The following TTC14 variants were observed in gnomAD, a reference collection of about 807,000 sequenced individuals.
TTC14 encodes the protein tetratricopeptide repeat domain 14.
Under a neutral mutation model 79.9 loss-of-function variants are expected in TTC14, and 63 were observed. The ratio of observed to expected loss-of-function variants is 0.79; its 90% confidence interval spans 0.64 to 0.97. The LOEUF (loss-of-function observed/expected upper bound fraction) is 0.97. Ranked by LOEUF, TTC14 falls within the 50% of genes least tolerant of loss-of-function variation. The probability of loss-of-function intolerance (pLI) is 0.00; values close to 1 mark genes in which losing one functional copy is unlikely to be tolerated. For missense variants in TTC14, 895 were observed against 894.0 expected (o/e 1.00, Z -0.01); for synonymous variants, 335 against 309.6 (o/e 1.08, Z -0.86).
At chr3:180,611,735 G>GTAAAT (rs1717002722), downstream of TTC14, among the ~76,000 whole-genome samples, 1 of 152,154 alleles carries the variant, frequency 6.6e-6, no homozygotes. Flanking sequence ...TCTCAAAGCT[G>GTAAAT]TAAATTACAA....
At chr3:180,613,968 C>T (rs1229213616), downstream of TTC14, 1 of 389,982 alleles carries the variant, frequency 2.6e-6, no homozygotes. Flanking sequence ...TTGTAATGAG[C>T]ATTTTTTCCC....
intron 3 of TTC14, 93 bp from the exon 4 acceptor site, chr3:180,604,132 T>C (rs1161682550): frequency 9.5e-7 from 1 of 1,053,986 alleles, no homozygotes; most frequent in Non-Finnish European, 1.5e-6. Context: ...GTTCAACTAC[T>C]AGCTGTTTCA....
Position 180,606,117 on chromosome 3 carries a change from A to G in TTC14, c.930-136A>G, listed in dbSNP as rs1716667976. 10 of 1,182,420 alleles carry G rather than the reference A, an allele frequency of 8.5e-6. 2 individuals are homozygous for G. The South Asian group carries it at 1.4e-4, about 17-fold the overall frequency. The allele number at this position is 1,182,420 out of a possible 1,614,324, so 73.2% of individuals were successfully genotyped here. A position where few individuals can be genotyped will look rare whatever the true frequency, so the allele number is the denominator to read the frequency against. On this transcript the variant is annotated intron_variant, in intron 7 of 11. Transcript: ENST00000296015. ...GTCCAAAGGCAGAAGAACGTTCCTT[A>G]GGTATATTGTGAGTACTCTGAAAAC...
chr3:180,611,510 T>G (rs1716996263), downstream of TTC14, among the ~76,000 whole-genome samples: 1 of 152,184 alleles, frequency 6.6e-6, no homozygotes, highest in Non-Finnish European at 1.5e-5. Context: ...GATGACCCCT[T>G]TCTCAGAGTC....
intron 9 of TTC14, 140 bp from the exon 10 acceptor site, chr3:180,607,508 T>G: frequency 7.9e-7 from 1 of 1,273,150 alleles, no homozygotes; most frequent in Non-Finnish European, 1.0e-6. Flanking sequence ...AAAAAGCATA[T>G]TATTTTGGTA....
At chr3:180,602,647 T>C in intron 1 of TTC14, 2 of 710,786 alleles carry the variant, frequency 2.8e-6, no homozygotes, top group Non-Finnish European at 4.5e-6. Context: ...GAGGCGCAGA[T>C]TCCTTAGCTA....
At chr3:180,611,251 T>G, downstream of TTC14, 3 of 781,896 alleles carry the variant, frequency 3.8e-6, no homozygotes, top group Non-Finnish European at 4.7e-6. Flanking sequence ...AAAAGCTTTT[T>G]AACTTTAAAT....
rs1716930160 is a variant in TTC14 at position 180,610,336 on chromosome 3, T to C, written c.2107T>C (p.Tyr703His). The change falls in exon 12 of 12, where the codon TAC becomes CAC. Residue 703 changes from tyrosine (Y) to histidine (H), a missense_variant. Physicochemically the swap from Tyr to His is moderately conservative, Grantham distance 83. Coordinates refer to ENST00000296015, the MANE Select transcript of TTC14 (RefSeq NM_133462.4). Reference protein sequence around the residue: ...SRDFSRHEQRYRLNTNQGEYE... With the variant: ...SRDFSRHEQRHRLNTNQGEYE... ...TGATTTCAGTAGACATGAGCAAAGATACCGTTTAAATACAAATCAAGGAGA... is the reference window on the plus strand; with the variant it reads ...TGATTTCAGTAGACATGAGCAAAGACACCGTTTAAATACAAATCAAGGAGA... 1.9e-6 allele frequency: 3 copies of C among 1,612,750 alleles called. No individual in the cohort carries two copies. The highest frequency in any genetic ancestry group is 2.7e-5 in the African/African-American group (2 of 74,710).
At chr3:180,607,191 G>T (rs1473646748) in intron 9 of TTC14, among the ~76,000 whole-genome samples, 1 of 152,026 alleles carries the variant, frequency 6.6e-6, no homozygotes, top group Non-Finnish European at 1.5e-5. Context: ...TCTCATTCTG[G>T]TGTTTCACAA....
chr3:180,603,482 A>G, intron 3 of TTC14, 159 bp downstream of exon 3: 1 of 664,858 alleles, frequency 1.5e-6, no homozygotes, highest in Non-Finnish European at 2.5e-6. Context: ...AATTAGTGTA[A>G]GTTACCCAGT....
chr3:180,609,611 A>G lies in TTC14; in HGVS notation c.1401-19A>G, dbSNP rs775481560. 1 of 1,527,746 alleles carries G rather than the reference A, an allele frequency of 6.5e-7. No homozygotes were observed. Among genetic ancestry groups the G allele is most frequent in the Admixed American group, 2.3e-5 (1 of 44,184 alleles). 94.6% of individuals were successfully genotyped at this position (1,527,746 alleles called of 1,614,324 possible). A position where few individuals can be genotyped will look rare whatever the true frequency, so the allele number is the denominator to read the frequency against. On this transcript the variant is annotated intron_variant, in intron 11 of 11. Coordinates refer to ENST00000296015, the MANE Select transcript of TTC14 (RefSeq NM_133462.4). ...GAAACATTTTTGTATATATATGACA[A>G]ATGAACTGTTTTTTTTAGGCTAAAG...
intron 1 of TTC14, 43 bp downstream of exon 1, chr3:180,602,465 C>A: frequency 1.3e-6 from 2 of 1,538,938 alleles, no homozygotes; most frequent in African/African-American, 1.4e-5. Flanking sequence ...AGAGGGGACG[C>A]AGCTCTGGCA....
At chr3:180,608,654 C>G (rs1306434838) in intron 10 of TTC14, 47 bp from the exon 11 acceptor site, 1 of 1,444,188 alleles carries the variant, frequency 6.9e-7, no homozygotes, top group Non-Finnish European at 9.1e-7. Context: ...TTTATATATT[C>G]TGCTATTTTT....
downstream of TTC14, among the ~76,000 whole-genome samples, chr3:180,613,617 A>G (rs1365832496): frequency 6.6e-6 from 1 of 152,340 alleles, no homozygotes; most frequent in Middle Eastern, 3.4e-3. Context: ...TAACTATCCA[A>G]GGTTACAGAG....
At chr3:180,613,905 C>T, downstream of TTC14, 2 of 447,276 alleles carry the variant, frequency 4.5e-6, no homozygotes, top group South Asian at 1.6e-5. Flanking sequence ...CTATTCACTA[C>T]CACTACTGCT....
downstream of TTC14, among the ~76,000 whole-genome samples, chr3:180,613,215 A>G (rs1717095010): frequency 6.6e-6 from 1 of 152,222 alleles, no homozygotes; most frequent in South Asian, 2.1e-4. Context: ...GGGGATTTAC[A>G]TTGTCAAGAA....
chr3:180,608,479 G>A (rs1191191823), intron 10 of TTC14: 24 of 1,067,970 alleles, frequency 2.2e-5, no homozygotes, highest in Non-Finnish European at 2.7e-5. Context: ...GATACCAACT[G>A]CAATATGGTC....
At chr3:180,605,442 AT>A (rs148518688) in intron 6 of TTC14, 40 of 216,146 alleles carry the variant, frequency 1.9e-4, no homozygotes, top group African/African-American at 4.3e-4. Context: ...CGCCTGGCTA[AT>A]TTTTTTTTCT....
Position 180,606,471 on chromosome 3 carries a change from A to G in TTC14, c.1050-10A>G. 1.2e-6 allele frequency: 2 copies of G among 1,613,400 alleles called. No homozygotes were observed. The highest frequency in any genetic ancestry group is 2.2e-5 in the East Asian group (1 of 44,848). On this transcript the variant is annotated splice_polypyrimidine_tract_variant and intron_variant, in intron 8 of 11. Coordinates refer to ENST00000296015, the MANE Select transcript of TTC14 (RefSeq NM_133462.4). The stretch of plus-strand genomic sequence containing the variant: ...AGATACAGCCCTCTATCTTTGTTTC[A>G]TGTCTCTAGATATGCGACAAAAGGA...
Sources: allele counts gnomAD v4.1 joint callset (sites outside exome capture counted in the v4.1 genomes callset), GRCh38; gene constraint gnomAD v4.1.1; transcripts MANE v1.5; gene names NCBI Gene and HGNC (gene_info 2026-07-23, HGNC 2026-07-21).